LRP1B: variants seen among roughly 807,000 people sequenced by gnomAD.
The protein encoded by LRP1B is low-density lipoprotein receptor-related protein 1B.
LRP1B carries 217 observed loss-of-function variants against 556.6 expected under a neutral mutation model. The observed-to-expected ratio is 0.39, with a 90% confidence interval of 0.35 to 0.44. The LOEUF is 0.44. LRP1B is among the 20% of genes least tolerant of loss of function. The pLI, the probability that LRP1B is intolerant of heterozygous loss-of-function variation, is 1.00. For missense variants in LRP1B, 5,053 were observed against 5,620.8 expected, an observed-to-expected ratio of 0.90 and a Z score of 3.23; for synonymous variants, 2,047 against 1,865.8, an observed-to-expected ratio of 1.10 and a Z score of -2.50.
intron 22 of LRP1B, among the ~76,000 whole-genome samples, chr2:140,903,867 G>T (rs1694174096): frequency 6.7e-6 from 1 of 149,388 alleles, no homozygotes; most frequent in African/African-American, 2.5e-5. Context: ...CAATAGTATT[G>T]ATTACATAGA....
chr2:142,076,542 C>T (rs1705508226), intron 1 of LRP1B, among the ~76,000 whole-genome samples: 1 of 152,036 alleles, frequency 6.6e-6, no homozygotes, highest in Admixed American at 6.6e-5. Context: ...ATGGGTCGTT[C>T]AAGTGTACAT....
chr2:140,533,632 A>G (rs1044395591), intron 47 of LRP1B, among the ~76,000 whole-genome samples: 3 of 152,156 alleles, frequency 2.0e-5, no homozygotes, highest in African/African-American at 7.2e-5. Flanking sequence ...GGAGAAATTA[A>G]GGAGAACACC....
At chr2:141,148,677 T>C (rs1434746132) in intron 7 of LRP1B, among the ~76,000 whole-genome samples, 3 of 152,176 alleles carry the variant, frequency 2.0e-5, no homozygotes, top group African/African-American at 7.2e-5. Flanking sequence ...TCCCTGTGCA[T>C]GAAATACCAT....
intron 2 of LRP1B, among the ~76,000 whole-genome samples, chr2:141,672,154 A>G (rs1408086407): frequency 2.0e-5 from 3 of 152,224 alleles, no homozygotes; most frequent in Admixed American, 1.3e-4. Context: ...TTAACTCCCA[A>G]TTTTCAAGGT....
intron 56 of LRP1B, among the ~76,000 whole-genome samples, chr2:140,494,744 TA>T (rs971372891): frequency 2.6e-5 from 4 of 151,924 alleles, no homozygotes; most frequent in Admixed American, 6.6e-5. Context: ...TTTAACCCAT[TA>T]AAAAAACCCA....
At chr2:141,949,406 T>C (rs7568180) in intron 1 of LRP1B, among the ~76,000 whole-genome samples, 68,645 of 151,916 alleles carry the variant, frequency 0.45, 15,628 homozygotes, top group Admixed American at 0.53. Flanking sequence ...TCCATATATA[T>C]ATGGAGACAC....
chr2:141,838,395 T>A (rs1179236394), intron 1 of LRP1B, among the ~76,000 whole-genome samples: 1 of 152,164 alleles, frequency 6.6e-6, no homozygotes, highest in East Asian at 1.9e-4. Flanking sequence ...ACTCTTCCTG[T>A]ACTAACTTTT....
chr2:141,745,785 G>A (rs75664259), intron 2 of LRP1B, among the ~76,000 whole-genome samples: 6,114 of 151,898 alleles, frequency 0.04, 422 homozygotes, highest in African/African-American at 0.14. Context: ...CTGGCAATAT[G>A]CTGGGTCTCA....
At chr2:141,681,930 C>T (rs74802462) in intron 2 of LRP1B, among the ~76,000 whole-genome samples, 6,247 of 152,210 alleles carry the variant, frequency 0.041, 178 homozygotes, top group East Asian at 0.094. Context: ...GAGAAATATC[C>T]TCAATGCAGC....
intron 3 of LRP1B, among the ~76,000 whole-genome samples, chr2:141,416,397 T>G (rs1356352865): frequency 1.3e-5 from 2 of 151,854 alleles, no homozygotes; most frequent in Non-Finnish European, 2.9e-5. Context: ...AGACATAAGC[T>G]GCTTAGCACA....
intron 3 of LRP1B, among the ~76,000 whole-genome samples, chr2:141,261,013 A>C (rs1186225252): frequency 2.6e-5 from 4 of 152,188 alleles, no homozygotes; most frequent in African/African-American, 9.6e-5. Context: ...CAAGTACCTC[A>C]CTGTTTTTTA....
intron 1 of LRP1B, among the ~76,000 whole-genome samples, chr2:142,123,194 T>C (rs1707518858): frequency 6.6e-6 from 1 of 152,048 alleles, no homozygotes; most frequent in Non-Finnish European, 1.5e-5. Flanking sequence ...AAAGCAACCA[T>C]AACTAAGTTT....
At chr2:141,778,993 C>T (rs574253372) in intron 2 of LRP1B, among the ~76,000 whole-genome samples, 74 of 152,210 alleles carry the variant, frequency 4.9e-4, no homozygotes, top group African/African-American at 1.6e-3. Context: ...TACCTCAGTA[C>T]GCCAGGTTCT....
intron 2 of LRP1B, among the ~76,000 whole-genome samples, chr2:141,615,007 C>G (rs79734665): frequency 0.012 from 1,823 of 152,136 alleles, 41 homozygotes; most frequent in African/African-American, 0.041. Context: ...ATAGGAAGAG[C>G]CTAGATTGCT....
intron 3 of LRP1B, among the ~76,000 whole-genome samples, chr2:141,301,539 C>T (rs1460583351): frequency 6.6e-6 from 1 of 152,154 alleles, no homozygotes; most frequent in Non-Finnish European, 1.5e-5. Context: ...CTCAATGTGT[C>T]TCCAAGTCTA....
chr2:141,621,689 G>GAAAATGA (rs1390618500), intron 2 of LRP1B, among the ~76,000 whole-genome samples: 1 of 152,064 alleles, frequency 6.6e-6, no homozygotes, highest in African/African-American at 2.4e-5. Flanking sequence ...AGGGGAGGCA[G>GAAAATGA]AAAATGAAAT....
intron 41 of LRP1B, among the ~76,000 whole-genome samples, chr2:140,627,133 A>G (rs1683692349): frequency 6.6e-6 from 1 of 152,220 alleles, no homozygotes; most frequent in Admixed American, 6.5e-5. Context: ...TAGAAAAAGC[A>G]ATGAGGATAT....
intron 3 of LRP1B, among the ~76,000 whole-genome samples, chr2:141,461,692 A>G (rs1030984397): frequency 2.0e-5 from 3 of 152,232 alleles, no homozygotes; most frequent in African/African-American, 7.2e-5. Flanking sequence ...GAAGAACATG[A>G]AAGTAGCATA....
intron 18 of LRP1B, among the ~76,000 whole-genome samples, chr2:140,957,377 A>G (rs1695905018): frequency 6.6e-6 from 1 of 151,668 alleles, no homozygotes; most frequent in Admixed American, 6.6e-5. Flanking sequence ...GCAATAAGGT[A>G]TAAGATAGAA....
Sources: gnomAD v4.1 joint callset for allele counts (sites outside exome capture counted in the v4.1 genomes callset) on GRCh38, gnomAD v4.1.1 for gene constraint, MANE v1.5 for transcripts, NCBI Gene and HGNC (gene_info 2026-07-23, HGNC 2026-07-21) for gene names.